The following PTPRS variants were observed in gnomAD, a reference collection of about 807,000 sequenced individuals.
PTPRS encodes protein tyrosine phosphatase receptor type S.
Under a neutral mutation model 215.3 loss-of-function variants are expected in PTPRS, and 63 were observed. That is an observed-to-expected ratio of 0.29 (90% CI 0.24 to 0.36). PTPRS has a LOEUF of 0.36. PTPRS is among the 10% of genes least tolerant of loss of function. The pLI, the probability that PTPRS is intolerant of heterozygous loss-of-function variation, is 1.00. For synonymous variants in PTPRS, 1,404 were observed against 1,191.4 expected (o/e 1.18, Z -3.68); for missense variants, 2,258 against 2,825.8 (o/e 0.80, Z 4.56).
intron 18 of PTPRS, 125 bp from the exon 19 acceptor site, chr19:5,222,345 T>TGCCCAC: frequency 1.3e-6 from 1 of 797,168 alleles, no homozygotes; most frequent in East Asian, 2.6e-5. Flanking sequence ...GCTGTGCCCA[T>TGCCCAC]GCCCACGGCC....
chr19:5,270,501 G>A (rs1227535844), intron 4 of PTPRS, among the ~76,000 whole-genome samples: 1 of 152,112 alleles, frequency 6.6e-6, no homozygotes, highest in African/African-American at 2.4e-5. Flanking sequence ...AGTGAGGCAT[G>A]GGGTCTCTAT....
rs1220424198 is a variant in PTPRS, at chr19:5,293,412, G to A, written c.-94-7178C>T. On this transcript the variant is annotated intron_variant, in intron 1 of 37. Transcript: ENST00000262963. The surrounding 1 kb of genome is among the most constrained non-coding windows in gnomAD (Gnocchi z 8.4). ...CGGAAGTGGGGCGGGGGGACCAGAG[G>A]GGAGCCCCATCTGGAGGCGCGGAGA... 3.3e-5 allele frequency among the ~76,000 whole-genome samples: 5 copies of A among 151,678 alleles called. No individual in the cohort carries two copies. The highest frequency in any genetic ancestry group is 3.3e-4 in the Admixed American group (5 of 15,272).
chr19:5,206,264 G>T lies in PTPRS; in HGVS notation c.*510C>A. The T allele has an allele frequency of 4.5e-6, 1 of 223,774 alleles. No homozygotes were observed. The highest frequency in any genetic ancestry group is 6.4e-5 in the East Asian group (1 of 15,516). 13.9% of individuals were successfully genotyped at this position (223,774 alleles called of 1,614,324 possible). A position where few individuals can be genotyped will look rare whatever the true frequency, so the allele number is the denominator to read the frequency against. On this transcript the variant is annotated 3_prime_UTR_variant, in exon 38 of 38. Transcript: ENST00000262963. Reference sequence around the variant, plus strand: ...TTTGTTTCTCTTAAAAAAAAAAATGGAAAAAAAAATACACTATTTAAAAAA... The same window carrying T: ...TTTGTTTCTCTTAAAAAAAAAAATGTAAAAAAAAATACACTATTTAAAAAA...
chr19:5,291,536 C>G (rs1045005640), intron 1 of PTPRS, among the ~76,000 whole-genome samples: 2 of 152,092 alleles, frequency 1.3e-5, no homozygotes, highest in African/African-American at 4.8e-5. Context: ...GGGCTCCCAG[C>G]TCCTGTGCTC....
intron 9 of PTPRS, among the ~76,000 whole-genome samples, chr19:5,247,484 A>T (rs2044606046): frequency 6.6e-6 from 1 of 152,140 alleles, no homozygotes; most frequent in Non-Finnish European, 1.5e-5. Flanking sequence ...GGTGAACCTA[A>T]TAAATCCTTC....
intron 13 of PTPRS, among the ~76,000 whole-genome samples, 166 bp from the exon 14 acceptor site, chr19:5,231,781 A>G (rs2043038348): frequency 7.2e-6 from 1 of 139,466 alleles, no homozygotes. Flanking sequence ...GTGGGTGTCA[A>G]CCAAAGGTGG....
At chr19:5,245,369 G>A (rs911428531) in intron 10 of PTPRS, among the ~76,000 whole-genome samples, 1 of 151,536 alleles carries the variant, frequency 6.6e-6, no homozygotes, top group Admixed American at 6.6e-5. Flanking sequence ...GCTCACTGCA[G>A]CCTTGAACTC....
intron 1 of PTPRS, among the ~76,000 whole-genome samples, chr19:5,297,038 G>C (rs908548818): frequency 2.0e-5 from 3 of 152,002 alleles, no homozygotes; most frequent in Admixed American, 6.6e-5. Flanking sequence ...CTGGGTTTTT[G>C]GCCTGAGCAC....
chr19:5,285,637 GCTCA>G (rs1166695958), intron 2 of PTPRS, among the ~76,000 whole-genome samples: 1 of 152,200 alleles, frequency 6.6e-6, no homozygotes. Flanking sequence ...GAACTCTGTG[GCTCA>G]CTAAGCAGTG....
At chr19:5,269,206 G>A (rs898469728) in intron 4 of PTPRS, among the ~76,000 whole-genome samples, 8 of 152,112 alleles carry the variant, frequency 5.3e-5, no homozygotes, top group South Asian at 2.1e-4. Context: ...GTGTCCACAC[G>A]TGAGCAATTC....
Position 5,221,101 on chromosome 19 carries a change from G to A in PTPRS, c.3354C>T (p.Ala1118=), listed in dbSNP as rs2041941330. ...TGGGCTTGCCGTTGAGCAGGTTGAA[G>A]GCAGTCCAGGCGGTGACCGTCTGCT... ...GLQQTVTAWT[A]FNLLNGKPSV... The change falls in exon 20 of 38, where the codon GCC becomes GCT. Residue 1118 remains alanine, a synonymous_variant. Transcript: ENST00000262963. The A allele has an allele frequency of 2.5e-6, 4 of 1,613,938 alleles. No homozygotes were observed. The South Asian group carries it at 3.3e-5, about 13-fold the overall frequency.
In PTPRS at chr19:5,210,416, T is replaced by A; in HGVS notation, c.5487+53A>T. On this transcript the variant is annotated intron_variant, in intron 35 of 37. Coordinates refer to ENST00000262963, the MANE Select transcript of PTPRS (RefSeq NM_002850.4). This position sits in a 1 kb window ranked among gnomAD's most constrained non-coding sequence, Gnocchi z 4.5. ...TATCCATCACCAACCAGGGCAGCCC[T>A]TTCCAGATCACTAAGGCTCCAGCCC... 4.3e-6 allele frequency: 7 copies of A among 1,611,954 alleles called. No homozygotes were observed. The South Asian group carries it at 7.7e-5, about 18-fold the overall frequency.
At chr19:5,320,083 C>T (rs972891767) in intron 1 of PTPRS, among the ~76,000 whole-genome samples, 7 of 152,212 alleles carry the variant, frequency 4.6e-5, no homozygotes, top group Non-Finnish European at 7.3e-5. Context: ...GCAGTGGCTG[C>T]GGCCAAAGCA....
At chr19:5,275,073 CTTTTTT>C (rs5826878) in intron 2 of PTPRS, among the ~76,000 whole-genome samples, 1 of 144,652 alleles carries the variant, frequency 6.9e-6, no homozygotes, top group Non-Finnish European at 1.5e-5. Context: ...ATTTTCTTTT[CTTTTTT>C]TTTTTTTTCC....
chr19:5,219,062 A>G, intron 23 of PTPRS: 1 of 642,258 alleles, frequency 1.6e-6, no homozygotes, highest in South Asian at 2.0e-5. Flanking sequence ...GGCAGCCTCT[A>G]CCCCAAATCT....
In PTPRS at chr19:5,338,644, A is replaced by G. The variant is rs2050584629; in HGVS notation, c.-95+2020T>C. Among the ~76,000 whole-genome samples, 1 of 151,882 alleles carries G rather than the reference A, an allele frequency of 6.6e-6. No homozygotes were observed. Among genetic ancestry groups the G allele is most frequent in the Non-Finnish European group, 1.5e-5 (1 of 67,968 alleles). ...TTCCACCGCCAAAATATCAGCTGGCAAAGAAAGAAGAGCAGAGGGACAGAA... is the reference window on the plus strand; with the variant it reads ...TTCCACCGCCAAAATATCAGCTGGCGAAGAAAGAAGAGCAGAGGGACAGAA... On this transcript the variant is annotated intron_variant, in intron 1 of 37. Coordinates refer to ENST00000262963, the MANE Select transcript of PTPRS (RefSeq NM_002850.4). The surrounding 1 kb of genome is among the most constrained non-coding windows in gnomAD (Gnocchi z 4.2).
chr19:5,302,259 G>A (rs995938175), intron 1 of PTPRS, among the ~76,000 whole-genome samples: 2 of 152,122 alleles, frequency 1.3e-5, no homozygotes, highest in Non-Finnish European at 2.9e-5. Context: ...AACTACTTGG[G>A]AGGCTGAGGC....
rs770895185 is a variant in PTPRS at position 5,222,179 on chromosome 19, A to C, written c.3145T>G (p.Ser1049Ala). Residue 1049 changes from serine to alanine, a missense_variant, in exon 19 of 38, where the codon TCA (serine) becomes GCA (alanine). Transcript: ENST00000262963. ...GGGAACTCCCAGCTGAGCAGAACTG[A>C]TGTCTTCATGATCATTTTCACCTTG... ...NFKVKMIMKT[S>A]VLLSWEFPDN... The C allele has an allele frequency of 1.9e-6, 3 of 1,613,910 alleles. No homozygotes were observed. The African/African-American group carries it at 4.0e-5, about 22-fold the overall frequency.
intron 1 of PTPRS, among the ~76,000 whole-genome samples, chr19:5,329,504 G>T (rs1345597379): frequency 6.6e-6 from 1 of 152,150 alleles, no homozygotes; most frequent in African/African-American, 2.4e-5. Flanking sequence ...AGTGGCTCAC[G>T]CCTGGAATCC....
Sources: gnomAD v4.1 joint callset for allele counts (sites outside exome capture counted in the v4.1 genomes callset) on GRCh38, gnomAD v4.1.1 for gene constraint, Gnocchi (gnomAD v3.1) non-coding constraint, MANE v1.5 for transcripts, NCBI Gene and HGNC (gene_info 2026-07-23, HGNC 2026-07-21) for gene names.